Variants in TMEM117 observed in about 807,000 individuals in gnomAD.
The protein encoded by TMEM117 is transmembrane protein 117.
A neutral mutation model predicts 52.4 loss-of-function variants in TMEM117; 27 were observed. The observed-to-expected ratio is 0.51, with a 90% confidence interval of 0.38 to 0.71. TMEM117 has a LOEUF of 0.71. Ranked by LOEUF, TMEM117 falls within the 30% of genes least tolerant of loss-of-function variation. The pLI, the probability that TMEM117 is intolerant of heterozygous loss-of-function variation, is 0.00. For synonymous variants in TMEM117, 215 were observed against 206.3 expected (o/e 1.04, Z -0.36); for missense variants, 556 against 630.5 (o/e 0.88, Z 1.26).
At chr12:43,888,797 C>T (rs572536903) in intron 2 of TMEM117, among the ~76,000 whole-genome samples, 89 of 152,220 alleles carry the variant, frequency 5.8e-4, no homozygotes, top group African/African-American at 2.0e-3. Context: ...ATCCGCCCAC[C>T]TCGGCCTCCC....
chr12:44,078,569 T>G (rs778302685), intron 3 of TMEM117, among the ~76,000 whole-genome samples: 9 of 152,230 alleles, frequency 5.9e-5, no homozygotes, highest in Non-Finnish European at 1.2e-4. Context: ...TGCTCAACTT[T>G]CAGTATATTC....
At chr12:43,821,394 C>T in the TMEM117 span, among the ~76,000 whole-genome samples, 5 of 152,162 alleles carry the variant, frequency 3.3e-5, no homozygotes, top group Non-Finnish European at 7.3e-5. Context: ...AATTCTCCTA[C>T]CTCAGCTTCA....
chr12:43,880,972 T>G (rs1943886254), intron 2 of TMEM117, among the ~76,000 whole-genome samples: 2 of 152,234 alleles, frequency 1.3e-5, no homozygotes, highest in South Asian at 4.1e-4. Flanking sequence ...TACCTGTGAT[T>G]CAGAAAATTC....
chr12:43,958,160 G>A (rs7301628), intron 3 of TMEM117, among the ~76,000 whole-genome samples: 149,976 of 152,334 alleles, frequency 0.98, 73,859 homozygotes, highest in East Asian at 1. Flanking sequence ...ACAGGTTTAA[G>A]TAACAGTATG....
intron 4 of TMEM117, among the ~76,000 whole-genome samples, chr12:44,159,627 A>G (rs1352511116): frequency 6.6e-6 from 1 of 152,122 alleles, no homozygotes; most frequent in East Asian, 1.9e-4. Context: ...GTGCAGCCAG[A>G]TAATCACAAG....
chr12:44,090,714 A>G (rs1947652164), intron 3 of TMEM117, among the ~76,000 whole-genome samples: 1 of 152,120 alleles, frequency 6.6e-6, no homozygotes, highest in African/African-American at 2.4e-5. Flanking sequence ...TGCTGGGACT[A>G]CAGGCATGAG....
At chr12:43,964,944 A>G (rs1945461421) in intron 3 of TMEM117, among the ~76,000 whole-genome samples, 1 of 152,244 alleles carries the variant, frequency 6.6e-6, no homozygotes, top group Admixed American at 6.5e-5. Flanking sequence ...AACATGTATA[A>G]TAAGTCAGAG....
chr12:44,022,449 A>G (rs1380782426), intron 3 of TMEM117, among the ~76,000 whole-genome samples: 2 of 152,210 alleles, frequency 1.3e-5, no homozygotes, highest in Non-Finnish European at 2.9e-5. Flanking sequence ...GAGGATAACA[A>G]TACTACCTCA....
At chr12:43,883,337 A>G (rs1216759790) in intron 2 of TMEM117, among the ~76,000 whole-genome samples, 3 of 152,190 alleles carry the variant, frequency 2.0e-5, no homozygotes, top group African/African-American at 7.2e-5. Flanking sequence ...TTGATGTATT[A>G]TAGTACATAT....
chr12:44,143,708 G>A (rs779195688), intron 4 of TMEM117, 84 bp downstream of exon 4: 2 of 941,804 alleles, frequency 2.1e-6, no homozygotes, highest in Non-Finnish European at 3.2e-6. Context: ...TTTTGATGAT[G>A]TAGAGTAAAA....
At chr12:43,839,256 G>A (rs1030798948) in intron 1 of TMEM117, among the ~76,000 whole-genome samples, 1 of 152,018 alleles carries the variant, frequency 6.6e-6, no homozygotes, top group African/African-American at 2.4e-5. Flanking sequence ...AAACAGACAG[G>A]CCTTTCTGTC....
intron 4 of TMEM117, among the ~76,000 whole-genome samples, chr12:44,151,112 A>G (rs1277979785): frequency 6.6e-6 from 1 of 152,164 alleles, no homozygotes; most frequent in Non-Finnish European, 1.5e-5. Flanking sequence ...ATTGAACTAC[A>G]TTAAGATATG....
At chr12:43,872,029 G>GA (rs1943714813) in intron 2 of TMEM117, among the ~76,000 whole-genome samples, 1 of 152,142 alleles carries the variant, frequency 6.6e-6, no homozygotes, top group African/African-American at 2.4e-5. Context: ...CAGTAGCTTG[G>GA]ACTACAGGAG....
intron 3 of TMEM117, among the ~76,000 whole-genome samples, chr12:44,097,087 T>G (rs1947778004): frequency 6.6e-6 from 1 of 152,160 alleles, no homozygotes; most frequent in Non-Finnish European, 1.5e-5. Flanking sequence ...AGGAAGACAT[T>G]TATGCAGCCA....
At chr12:44,082,737 T>C (rs1198846511) in intron 3 of TMEM117, among the ~76,000 whole-genome samples, 1 of 152,102 alleles carries the variant, frequency 6.6e-6, no homozygotes. Flanking sequence ...AACACAACAA[T>C]ATAATGAACT....
intron 4 of TMEM117, among the ~76,000 whole-genome samples, chr12:44,182,354 C>T (rs1949214059): frequency 6.6e-6 from 1 of 152,148 alleles, no homozygotes; most frequent in Admixed American, 6.5e-5. Flanking sequence ...ATTTCCTTCT[C>T]CTGCCTAATT....
At chr12:44,357,398 C>T (rs916803811) in intron 6 of TMEM117, among the ~76,000 whole-genome samples, 1 of 152,042 alleles carries the variant, frequency 6.6e-6, no homozygotes, top group Non-Finnish European at 1.5e-5. Context: ...GGGACTACAC[C>T]ATGGGTATAG....
intron 5 of TMEM117, among the ~76,000 whole-genome samples, chr12:44,291,370 AAC>A (rs1950701632): frequency 7.5e-6 from 1 of 134,040 alleles, no homozygotes; most frequent in African/African-American, 3.1e-5. Context: ...TATTAGTTCT[AAC>A]AGTTTTTTTT....
At chr12:43,921,585 G>A (rs1222582276) in intron 2 of TMEM117, among the ~76,000 whole-genome samples, 1 of 152,172 alleles carries the variant, frequency 6.6e-6, no homozygotes, top group Non-Finnish European at 1.5e-5. Flanking sequence ...AGCTCAGTAA[G>A]TTTTATTGGT....
Sources: allele counts gnomAD v4.1 joint callset (sites outside exome capture counted in the v4.1 genomes callset), GRCh38; gene constraint gnomAD v4.1.1; transcripts MANE v1.5; gene names NCBI Gene and HGNC (gene_info 2026-07-23, HGNC 2026-07-21).